Variants in SCAPER observed in about 807,000 individuals in gnomAD.
SCAPER encodes S-phase cyclin A associated protein in the ER.
A neutral mutation model predicts 182.2 loss-of-function variants in SCAPER; 98 were observed. The ratio of observed to expected loss-of-function variants is 0.54; its 90% CI spans 0.46 to 0.64. SCAPER has a LOEUF of 0.64. Among genes scored for constraint, SCAPER ranks in the 30% least tolerant of loss-of-function variants. The pLI, the probability that SCAPER is intolerant of heterozygous loss-of-function variation, is 0.00. For missense variants in SCAPER, 1,432 were observed against 1,690.0 expected (o/e 0.85, Z 2.68); for synonymous variants, 605 against 564.6 (o/e 1.07, Z -1.01).
intron 15 of SCAPER, among the ~76,000 whole-genome samples, chr15:76,746,171 A>G (rs1170803103): frequency 1.3e-5 from 2 of 152,236 alleles, no homozygotes; most frequent in African/African-American, 2.4e-5. Context: ...AATACTCAAC[A>G]AACGATGAAT....
At chr15:76,357,897 C>T (rs747243464) in intron 29 of SCAPER, among the ~76,000 whole-genome samples, 1 of 152,076 alleles carries the variant, frequency 6.6e-6, no homozygotes, top group African/African-American at 2.4e-5. Context: ...ACTGTGTACA[C>T]ATGAACATAG....
intron 28 of SCAPER, among the ~76,000 whole-genome samples, chr15:76,377,627 C>G (rs1327788991): frequency 6.6e-6 from 1 of 152,236 alleles, no homozygotes; most frequent in African/African-American, 2.4e-5. Flanking sequence ...ACAATATCCC[C>G]AGTCTCAAGG....
At chr15:76,495,577 C>CAAAA (rs71444987) in intron 24 of SCAPER, among the ~76,000 whole-genome samples, 10 of 56,922 alleles carry the variant, frequency 1.8e-4, no homozygotes, top group East Asian at 6.4e-4. Flanking sequence ...GACTTGGTCT[C>CAAAA]AAAAAAAAAA....
At chr15:76,553,691 G>A (rs2045963612) in intron 23 of SCAPER, among the ~76,000 whole-genome samples, 1 of 152,094 alleles carries the variant, frequency 6.6e-6, no homozygotes, top group South Asian at 2.1e-4. Context: ...CCGAGAGTAA[G>A]AGCACACAGC....
At chr15:76,734,337 C>T (rs868105848) in intron 15 of SCAPER, among the ~76,000 whole-genome samples, 2 of 152,246 alleles carry the variant, frequency 1.3e-5, no homozygotes, top group South Asian at 4.1e-4. Flanking sequence ...GGGTATGCTA[C>T]AGTTAAAATG....
chr15:76,755,469 C>T (rs2062363329), intron 14 of SCAPER, among the ~76,000 whole-genome samples: 1 of 152,120 alleles, frequency 6.6e-6, no homozygotes, highest in Admixed American at 6.5e-5. Flanking sequence ...ATATGCTTAA[C>T]CCATGCATAT....
chr15:76,599,870 AAT>A (rs754264042), intron 22 of SCAPER, among the ~76,000 whole-genome samples: 1 of 121,854 alleles, frequency 8.2e-6, no homozygotes, highest in Non-Finnish European at 2.0e-5. Flanking sequence ...AAATTTATCA[AAT>A]GTCACCCTTA....
intron 25 of SCAPER, among the ~76,000 whole-genome samples, chr15:76,435,640 C>A (rs2047151524): frequency 6.6e-6 from 1 of 152,182 alleles, no homozygotes; most frequent in African/African-American, 2.4e-5. Context: ...GGTGTAGGGT[C>A]TACTCCACCA....
At chr15:76,704,939 C>T (rs1034520239) in intron 18 of SCAPER, among the ~76,000 whole-genome samples, 6 of 152,192 alleles carry the variant, frequency 3.9e-5, no homozygotes, top group Admixed American at 6.5e-5. Flanking sequence ...CACTTTTACA[C>T]TGTTGGTGGG....
chr15:76,889,574 A>G (rs992242817), intron 1 of SCAPER, among the ~76,000 whole-genome samples: 9 of 152,186 alleles, frequency 5.9e-5, no homozygotes, highest in African/African-American at 7.2e-5. Flanking sequence ...AAAGACAAAG[A>G]AGGCCATTAC....
At position 76,674,858 on chromosome 15, in the gene SCAPER, T is replaced by G. The variant is rs140947823; in HGVS notation, c.2509-9069A>C. On this transcript the variant is annotated intron_variant, in intron 20 of 31. Transcript: ENST00000563290. ...TTTGTGTGTATTTATATGTATACAT[T>G]GGCACGCATAAAGTAACATAAGAAA... Among the ~76,000 whole-genome samples the G allele has an allele frequency of 3.0e-3, 456 of 151,628 alleles. 2 individuals are homozygous for G. Among genetic ancestry groups the G allele is most frequent in the African/African-American group, 1.0e-2 (412 of 41,374 alleles).
intron 23 of SCAPER, among the ~76,000 whole-genome samples, chr15:76,518,475 G>A (rs2042604179): frequency 6.6e-6 from 1 of 152,150 alleles, no homozygotes; most frequent in African/African-American, 2.4e-5. Context: ...GATCCTGTTA[G>A]CAAGTACTGG....
intron 2 of SCAPER, among the ~76,000 whole-genome samples, chr15:76,874,942 G>A (rs1568385280): frequency 6.6e-6 from 1 of 152,004 alleles, no homozygotes. Flanking sequence ...CTCCAGCCTG[G>A]GTGTGACAGA....
At chr15:76,700,403 C>A (rs2058875805) in intron 20 of SCAPER, among the ~76,000 whole-genome samples, 3 of 152,224 alleles carry the variant, frequency 2.0e-5, no homozygotes, top group Non-Finnish European at 1.5e-5. Flanking sequence ...GGGTCTCCTG[C>A]AGCTAGGATT....
chr15:76,721,977 G>A (rs905163753), intron 17 of SCAPER, among the ~76,000 whole-genome samples: 12 of 152,182 alleles, frequency 7.9e-5, no homozygotes, highest in African/African-American at 2.9e-4. Context: ...AATAGGAGTG[G>A]TGAGAGAGGG....
chr15:76,401,587 G>T (rs2044460281), intron 27 of SCAPER, among the ~76,000 whole-genome samples: 1 of 152,116 alleles, frequency 6.6e-6, no homozygotes, highest in African/African-American at 2.4e-5. Context: ...CTCTAGTCTA[G>T]CTCTTGTAGC....
rs990906887 is a variant in SCAPER, at chr15:76,354,606, T to C, written c.3856-466A>G. ...TCAATGCAGACAGATCTATTCTGTA[T>C]GCAGGCAGGTCCAAGAAAGAAAAGG... On this transcript the variant is annotated intron_variant, in intron 29 of 31. Coordinates refer to ENST00000563290, the MANE Select transcript of SCAPER (RefSeq NM_020843.4). The surrounding 1 kb of genome is among the most constrained non-coding windows in gnomAD (Gnocchi z 4.4). The C allele has an allele frequency of 6.6e-6, 1 of 152,566 alleles. No individual in the cohort carries two copies. The highest frequency in any genetic ancestry group is 2.4e-5 in the African/African-American group (1 of 41,472). The allele number at this position is 152,566 out of a possible 1,614,324, so 9.5% of individuals were successfully genotyped here. A position where few individuals can be genotyped will look rare whatever the true frequency, so the allele number is the denominator to read the frequency against.
rs138420368 is a variant in SCAPER at position 76,662,277 on chromosome 15, C to T, written c.2645+3376G>A. Among the ~76,000 whole-genome samples the T allele has an allele frequency of 1.7e-4, 26 of 152,236 alleles. No homozygotes were observed. In the East Asian group the frequency reaches 4.6e-3, roughly 27 times the overall value. ...TGATAGTTGCAGCAAACCACCATGG[C>T]ACATGTTTACCTATGTAACAAACCT... On this transcript the variant is annotated intron_variant, in intron 21 of 31. Transcript: ENST00000563290.
chr15:76,780,292 G>C lies in SCAPER; in HGVS notation c.773-5175C>G, dbSNP rs532132902. Among the ~76,000 whole-genome samples, 6 of 152,374 alleles carry C rather than the reference G, an allele frequency of 3.9e-5. No individual in the cohort carries two copies. In the South Asian group the frequency reaches 8.3e-4, roughly 21 times the overall value. ...ACTCACTGCTAGCGCAGCAGTCTGA[G>C]ATCCACCTGTGAGGCTACAGTCGGG... On this transcript the variant is annotated intron_variant, in intron 8 of 31. Coordinates refer to ENST00000563290, the MANE Select transcript of SCAPER (RefSeq NM_020843.4).
Sources: allele counts gnomAD v4.1 joint callset (sites outside exome capture counted in the v4.1 genomes callset), GRCh38; gene constraint gnomAD v4.1.1; non-coding constraint Gnocchi (gnomAD v3.1); transcripts MANE v1.5; gene names NCBI Gene and HGNC (gene_info 2026-07-23, HGNC 2026-07-21).